Variants in RNF125 observed in about 807,000 individuals in gnomAD.
RNF125 encodes E3 ubiquitin-protein ligase RNF125.
In RNF125, 21 loss-of-function variants were observed where a neutral mutation model predicts 26.0. The observed-to-expected ratio is 0.81, with a 90% CI of 0.57 to 1.16. RNF125 has a LOEUF of 1.16. Among genes scored for constraint, RNF125 ranks in the 50% most tolerant of loss-of-function variants. The probability of loss-of-function intolerance (pLI) is 0.00; values close to 1 mark genes in which losing one functional copy is unlikely to be tolerated. For missense variants in RNF125, 270 were observed against 299.4 expected (o/e 0.90, Z 0.72); for synonymous variants, 95 against 109.2 (o/e 0.87, Z 0.81).
At chr18:32,030,006 T>C (rs1177202772) in intron 1 of RNF125, among the ~76,000 whole-genome samples, 4 of 152,196 alleles carry the variant, frequency 2.6e-5, no homozygotes. Flanking sequence ...ACAACTGCTC[T>C]AAGTCATAGA....
chr18:32,073,630 C>T (rs114414636), downstream of RNF125, among the ~76,000 whole-genome samples: 1,379 of 152,296 alleles, frequency 9.1e-3, 21 homozygotes, highest in African/African-American at 0.031. Context: ...AGATTCTTCC[C>T]CCTGCTAAAT....
At chr18:32,037,822 C>CA (rs2039174450) in intron 2 of RNF125, among the ~76,000 whole-genome samples, 1 of 152,112 alleles carries the variant, frequency 6.6e-6, no homozygotes, top group African/African-American at 2.4e-5. Flanking sequence ...TAAAACGCAC[C>CA]AATCAGCAGG....
At chr18:32,035,412 G>A (rs981228903) in intron 1 of RNF125, among the ~76,000 whole-genome samples, 7 of 152,158 alleles carry the variant, frequency 4.6e-5, no homozygotes, top group Admixed American at 1.3e-4. Context: ...AATATAATTA[G>A]GAGTTAAAGA....
At chr18:32,081,719 T>A in the RNF125 span, among the ~76,000 whole-genome samples, 3 of 152,222 alleles carry the variant, frequency 2.0e-5, no homozygotes, top group African/African-American at 7.2e-5. Context: ...AAATCTATTA[T>A]AATTTAAAAT....
chr18:32,038,922 C>T (rs915139051), intron 2 of RNF125, among the ~76,000 whole-genome samples: 2 of 151,658 alleles, frequency 1.3e-5, no homozygotes, highest in South Asian at 2.1e-4. Context: ...CCCAACACCA[C>T]GCCTGTCTAA....
intron 4 of RNF125, among the ~76,000 whole-genome samples, chr18:32,058,376 C>T (rs1341547240): frequency 2.6e-5 from 4 of 151,624 alleles, no homozygotes; most frequent in Admixed American, 1.3e-4. Context: ...GAGGGAGTCT[C>T]GTTCTGTCGC....
In RNF125 at chr18:32,037,157, AGTGGACCT is replaced by A; in HGVS notation, c.209_216del (p.Trp70SerfsTer16). The stretch of plus-strand genomic sequence containing the variant: ...ATTGCTACCAGTCTAAAGAACAACA[AGTGGACCT>A]GTCCTTATTGCCGGGCATATCTTCC... On this transcript the variant is annotated frameshift_variant, in exon 2 of 6. Transcript: ENST00000217740. LOFTEE classifies it high-confidence loss of function. The A allele has an allele frequency of 6.2e-7, 1 of 1,607,332 alleles. No individual in the cohort carries two copies. Among genetic ancestry groups the A allele is most frequent in the Non-Finnish European group, 8.5e-7 (1 of 1,177,672 alleles).
intron 2 of RNF125, among the ~76,000 whole-genome samples, chr18:32,039,092 C>G (rs2039190840): frequency 6.7e-6 from 1 of 150,016 alleles, no homozygotes; most frequent in African/African-American, 2.4e-5. Flanking sequence ...AGATATCACT[C>G]TAACATACAC....
rs754725038 is a variant in RNF125 at position 32,019,037 on chromosome 18, A to G, written c.164+10A>G. The stretch of plus-strand genomic sequence containing the variant: ...CCCGCTGTGGCCACGTGTAAGTTCC[A>G]GGGGAGCTCGGTTTGCGCCCACCCC... On this transcript the variant is annotated intron_variant, in intron 1 of 5. Coordinates refer to ENST00000217740, the MANE Select transcript of RNF125 (RefSeq NM_017831.4). 1.2e-6 allele frequency: 2 copies of G among 1,611,060 alleles called. No individual in the cohort carries two copies. Among genetic ancestry groups the G allele is most frequent in the East Asian group, 2.2e-5 (1 of 44,532 alleles).
chr18:32,053,225 GGT>G (rs2039345747), intron 4 of RNF125, among the ~76,000 whole-genome samples: 1 of 151,978 alleles, frequency 6.6e-6, no homozygotes, highest in Non-Finnish European at 1.5e-5. Context: ...AGCCGGGCAT[GGT>G]GGTACATACC....
At chr18:32,025,134 A>T (rs912034046) in intron 1 of RNF125, among the ~76,000 whole-genome samples, 8 of 152,200 alleles carry the variant, frequency 5.3e-5, no homozygotes, top group African/African-American at 1.4e-4. Context: ...TGAACTTCGA[A>T]AAACATTTGG....
intron 4 of RNF125, among the ~76,000 whole-genome samples, chr18:32,050,886 T>C (rs2039319589): frequency 7.8e-6 from 1 of 128,140 alleles, no homozygotes; most frequent in African/African-American, 3.1e-5. Flanking sequence ...TTTTTTTTTT[T>C]TTTTTTTTTT....
At chr18:32,025,981 A>T (rs1226310230) in intron 1 of RNF125, among the ~76,000 whole-genome samples, 1 of 151,996 alleles carries the variant, frequency 6.6e-6, no homozygotes, top group Non-Finnish European at 1.5e-5. Flanking sequence ...TTCCCAAGGG[A>T]GAAACAGGAT....
At chr18:32,046,470 G>A (rs373947360) in intron 4 of RNF125, among the ~76,000 whole-genome samples, 49 of 151,268 alleles carry the variant, frequency 3.2e-4, no homozygotes, top group Non-Finnish European at 4.3e-4. Context: ...GGTGGTGGGC[G>A]CCTGTAGTCC....
At chr18:32,087,545 AC>A in the RNF125 span, among the ~76,000 whole-genome samples, 1 of 150,144 alleles carries the variant, frequency 6.7e-6, no homozygotes, top group Non-Finnish European at 1.5e-5. Flanking sequence ...CATGGGGAAA[AC>A]CCCCCACATA....
chr18:32,046,554 G>C (rs530645619), intron 4 of RNF125, among the ~76,000 whole-genome samples: 107 of 141,308 alleles, frequency 7.6e-4, no homozygotes, highest in African/African-American at 2.7e-3. Context: ...CTGAGATCGT[G>C]CCACTGCACT....
At position 32,069,197 on chromosome 18, in the gene RNF125, T is replaced by G. The variant is rs905291970; in HGVS notation, c.*813T>G. 2.3e-4 allele frequency: 21 copies of G among 90,838 alleles called. No homozygotes were observed. Among genetic ancestry groups the G allele is most frequent in the African/African-American group, 9.0e-4 (21 of 23,244 alleles). The allele number at this position is 90,838 out of a possible 1,614,324, so 5.6% of individuals were successfully genotyped here. A position where few individuals can be genotyped will look rare whatever the true frequency, so the allele number is the denominator to read the frequency against. On this transcript the variant is annotated 3_prime_UTR_variant, in exon 6 of 6. Transcript: ENST00000217740. ...GCCTGGGTAACAGAGCTAGACTCCA[T>G]CTCAAAAAAAAAAAAAAAAAAAATC... is the stretch of plus-strand genomic sequence containing the variant.
chr18:32,053,310 C>T (rs1193005030), intron 4 of RNF125, among the ~76,000 whole-genome samples: 3 of 151,826 alleles, frequency 2.0e-5, no homozygotes, highest in Non-Finnish European at 2.9e-5. Flanking sequence ...TGTAGTGAGC[C>T]GAGATTGTGC....
In RNF125 at chr18:32,073,159, A is replaced by G. The variant is rs978447328; in HGVS notation, c.*4775A>G. ...GTAAGTATGTATTGCTATGATAAATAAAAAATGGCAGGACCATTGTTTTTA... is the reference window on the plus strand; with the variant it reads ...GTAAGTATGTATTGCTATGATAAATGAAAAATGGCAGGACCATTGTTTTTA... On this transcript the variant is annotated 3_prime_UTR_variant, in exon 6 of 6. Coordinates refer to ENST00000217740, the MANE Select transcript of RNF125 (RefSeq NM_017831.4). 2 of 152,260 alleles carry G rather than the reference A, an allele frequency of 1.3e-5. No individual in the cohort carries two copies. Among genetic ancestry groups the G allele is most frequent in the Non-Finnish European group, 2.9e-5 (2 of 68,046 alleles). 9.4% of individuals were successfully genotyped at this position (152,260 alleles called of 1,614,324 possible). A position where few individuals can be genotyped will look rare whatever the true frequency, so the allele number is the denominator to read the frequency against.
Sources: allele counts gnomAD v4.1 joint callset (sites outside exome capture counted in the v4.1 genomes callset), GRCh38; gene constraint gnomAD v4.1.1; transcripts MANE v1.5; gene names NCBI Gene and HGNC (gene_info 2026-07-23, HGNC 2026-07-21).